CMTR1: variants seen among roughly 807,000 people sequenced by gnomAD.
The protein encoded by CMTR1 is cap-specific mRNA (nucleoside-2'-O-)-methyltransferase 1.
Under a neutral mutation model 107.0 loss-of-function variants are expected in CMTR1, and 39 were observed. The observed-to-expected ratio is 0.36, with a 90% CI of 0.28 to 0.48. The LOEUF is 0.48. Ranked by LOEUF, CMTR1 falls within the 20% of genes least tolerant of loss-of-function variation. CMTR1 has a pLI of 0.99. For synonymous variants in CMTR1, 366 were observed against 379.5 expected (o/e 0.96, Z 0.41); for missense variants, 672 against 1,064.9 (o/e 0.63, Z 5.14).
rs775938802 is a variant in CMTR1, at chr6:37,478,398, G to A, written c.2154-11G>A. The A allele has an allele frequency of 1.9e-6, 3 of 1,609,476 alleles. No homozygotes were observed. Among genetic ancestry groups the A allele is most frequent in the Non-Finnish European group, 2.6e-6 (3 of 1,175,948 alleles). On this transcript the variant is annotated splice_polypyrimidine_tract_variant and intron_variant, in intron 21 of 23. Transcript: ENST00000373451. The stretch of plus-strand genomic sequence containing the variant: ...TTCTCTCTCATGCACGTACCTTCTC[G>A]GGGAAATCAGGTTGGAGATGAAGAT...
At chr6:37,461,292 C>T in intron 10 of CMTR1, among the ~76,000 whole-genome samples, 1 of 152,178 alleles carries the variant, frequency 6.6e-6, no homozygotes. Context: ...CTTGGAAAAG[C>T]AGGCTTGGTT....
Position 37,480,439 on chromosome 6 carries a change from C to G in CMTR1, c.*294C>G. 1 of 1,228,360 alleles carries G rather than the reference C, an allele frequency of 8.1e-7. No individual in the cohort carries two copies. The highest frequency in any genetic ancestry group is 1.0e-6 in the Non-Finnish European group (1 of 982,544). The allele number at this position is 1,228,360 out of a possible 1,614,324, so 76.1% of individuals were successfully genotyped here. A position where few individuals can be genotyped will look rare whatever the true frequency, so the allele number is the denominator to read the frequency against. On this transcript the variant is annotated 3_prime_UTR_variant, in exon 24 of 24. Transcript: ENST00000373451. ...AGGTCAGTGCCTAGGGCACGTGGGA[C>G]TGATGGAGGACATATCAGAGTGGCA...
Position 37,458,657 on chromosome 6 carries a change from GATGTCT to G in CMTR1, c.824_829del (p.Asp275_Cys277delinsGly). On this transcript the variant is annotated inframe_deletion, in exon 9 of 24. Transcript: ENST00000373451. This position sits in a 1 kb window ranked among gnomAD's most constrained non-coding sequence, Gnocchi z 4.7. Reference sequence around the variant, plus strand: ...GGAAGCTGAGCTTCTGTACTTTGCTGATGTCTGCGCAGGCCCAGGTGGCTTCTCAGA... The same window carrying G: ...GGAAGCTGAGCTTCTGTACTTTGCTGGCGCAGGCCCAGGTGGCTTCTCAGA... The G allele has an allele frequency of 6.2e-7, 1 of 1,614,026 alleles. No individual in the cohort carries two copies. The highest frequency in any genetic ancestry group is 8.5e-7 in the Non-Finnish European group (1 of 1,180,026).
intron 4 of CMTR1, among the ~76,000 whole-genome samples, chr6:37,449,095 C>G (rs1165577016): frequency 1.3e-5 from 2 of 152,072 alleles, no homozygotes; most frequent in African/African-American, 4.8e-5. Flanking sequence ...CCTGTGCCAC[C>G]ATGCCTGGCT....
At chr6:37,441,478 G>C (rs552093810) in intron 2 of CMTR1, among the ~76,000 whole-genome samples, 2 of 150,806 alleles carry the variant, frequency 1.3e-5, no homozygotes, top group African/African-American at 4.9e-5. Context: ...GCAATGGCTC[G>C]ATCTCGGCTC....
intron 11 of CMTR1, 126 bp from the exon 12 acceptor site, chr6:37,461,844 G>T: frequency 9.1e-7 from 1 of 1,103,172 alleles, no homozygotes; most frequent in Non-Finnish European, 1.3e-6. Context: ...CCCTTAAATT[G>T]TCTCTGAGTT....
In CMTR1 at chr6:37,479,184, G is replaced by A. The variant is rs1329948452; in HGVS notation, c.2304G>A (p.Lys768=). The A allele has an allele frequency of 1.2e-6, 2 of 1,614,168 alleles. No individual in the cohort carries two copies. The highest frequency in any genetic ancestry group is 2.7e-5 in the African/African-American group (2 of 75,052). ...WTMGFSKSFK[K]KFFYNKKTKD... is the part of the protein sequence containing the mutation. ...TGGGATTCAGCAAAAGCTTCAAGAAGAAGTTCTTCTACAACAAGAAAACCA... is the reference window on the plus strand; with the variant it reads ...TGGGATTCAGCAAAAGCTTCAAGAAAAAGTTCTTCTACAACAAGAAAACCA... Residue 768 remains lysine (K), a synonymous_variant, in exon 23 of 24, where the codon AAG becomes AAA. Coordinates refer to ENST00000373451, the MANE Select transcript of CMTR1 (RefSeq NM_015050.3).
At chr6:37,457,126 A>G (rs1212764590) in intron 8 of CMTR1, among the ~76,000 whole-genome samples, 1 of 151,856 alleles carries the variant, frequency 6.6e-6, no homozygotes, top group Non-Finnish European at 1.5e-5. Flanking sequence ...AGGTTGAAGA[A>G]AGAGGATTGC....
Position 37,458,668 on chromosome 6 carries a change from A to G in CMTR1, c.834A>G (p.Ala278=), listed in dbSNP as rs771664404. 4.6e-5 allele frequency: 74 copies of G among 1,613,972 alleles called. No individual in the cohort carries two copies. Among genetic ancestry groups the G allele is most frequent in the Non-Finnish European group, 5.9e-5 (70 of 1,180,040 alleles). ...AELLYFADVC[A]GPGGFSEYVL... is the part of the protein sequence containing the mutation. ...TTCTGTACTTTGCTGATGTCTGCGC[A>G]GGCCCAGGTGGCTTCTCAGAGTATG... The change falls in exon 9 of 24, where the codon GCA becomes GCG. Residue 278 remains alanine, a synonymous_variant. Coordinates refer to ENST00000373451, the MANE Select transcript of CMTR1 (RefSeq NM_015050.3). The surrounding 1 kb of genome is among the most constrained non-coding windows in gnomAD (Gnocchi z 4.7).
chr6:37,444,416 T>G (rs1363580674), intron 3 of CMTR1, among the ~76,000 whole-genome samples: 1 of 152,188 alleles, frequency 6.6e-6, no homozygotes, highest in Non-Finnish European at 1.5e-5. Context: ...GAATTCTTAT[T>G]ACTAACATGT....
intron 13 of CMTR1, among the ~76,000 whole-genome samples, chr6:37,463,428 G>A (rs913835994): frequency 3.3e-5 from 5 of 152,208 alleles, no homozygotes; most frequent in African/African-American, 1.2e-4. Context: ...CTTTGGAAGT[G>A]CCCAAACTTT....
At chr6:37,432,319 A>G (rs1287829236), upstream of CMTR1, among the ~76,000 whole-genome samples, 1 of 152,220 alleles carries the variant, frequency 6.6e-6, no homozygotes, top group African/African-American at 2.4e-5. Flanking sequence ...GGTTTAATTA[A>G]TCAATTTTAA....
chr6:37,431,081 C>T (rs150583742), upstream of CMTR1, among the ~76,000 whole-genome samples: 11 of 150,602 alleles, frequency 7.3e-5, no homozygotes, highest in South Asian at 1.7e-3. Flanking sequence ...TTTTTTCCAG[C>T]ACTATTCATT....
chr6:37,452,799 G>A (rs1761208734), intron 6 of CMTR1, among the ~76,000 whole-genome samples: 1 of 152,216 alleles, frequency 6.6e-6, no homozygotes, highest in African/African-American at 2.4e-5. Flanking sequence ...GTGTAGCAGC[G>A]GGTGCCGTTT....
At position 37,472,479 on chromosome 6, in the gene CMTR1, C is replaced by T. The variant is rs1388165568; in HGVS notation, c.1681C>T (p.Leu561=). The change falls in exon 16 of 24, where the codon CTA becomes TTA. Residue 561 remains leucine (L), a synonymous_variant. Coordinates refer to ENST00000373451, the MANE Select transcript of CMTR1 (RefSeq NM_015050.3). This position sits in a 1 kb window ranked among gnomAD's most constrained non-coding sequence, Gnocchi z 4.1. ...CGACCCTAAATCGAAGTTCTTTGAGCTAATCCAGGTAAGACTGGTATCTGT... is the reference window on the plus strand; with the variant it reads ...CGACCCTAAATCGAAGTTCTTTGAGTTAATCCAGGTAAGACTGGTATCTGT... ...SSDPKSKFFE[L]IQGTEIDIFS... is the part of the protein sequence containing the mutation. 2.5e-6 allele frequency: 4 copies of T among 1,614,090 alleles called. No individual in the cohort carries two copies. In the South Asian group the frequency reaches 3.3e-5, roughly 13 times the overall value.
chr6:37,452,983 T>C (rs558072143), intron 6 of CMTR1, 64 bp from the exon 7 acceptor site: 1 of 1,456,292 alleles, frequency 6.9e-7, no homozygotes, highest in African/African-American at 1.4e-5. Context: ...AGTTGGGCAC[T>C]GCAGGGTCTT....
Position 37,481,125 on chromosome 6 carries a change from T to A in CMTR1, c.*980T>A. 2 of 1,304,006 alleles carry A rather than the reference T, an allele frequency of 1.5e-6. No individual in the cohort carries two copies. Among genetic ancestry groups the A allele is most frequent in the Non-Finnish European group, 2.0e-6 (2 of 988,920 alleles). The allele number at this position is 1,304,006 out of a possible 1,614,324, so 80.8% of individuals were successfully genotyped here. ...TTCCTTTTTCTTCCCTAATAGGAGG[T>A]ACAATCTGCTTTTGTTTGTCGTTAA... is the stretch of plus-strand genomic sequence containing the variant. On this transcript the variant is annotated 3_prime_UTR_variant, in exon 24 of 24. Coordinates refer to ENST00000373451, the MANE Select transcript of CMTR1 (RefSeq NM_015050.3).
chr6:37,473,162 A>T (rs1205708204), intron 16 of CMTR1, among the ~76,000 whole-genome samples: 2 of 152,156 alleles, frequency 1.3e-5, no homozygotes, highest in Non-Finnish European at 2.9e-5. Flanking sequence ...TTTGAGTTTT[A>T]TTGAAGGGGC....
chr6:37,473,392 C>T (rs1761667878), intron 16 of CMTR1, 78 bp from the exon 17 acceptor site: 2 of 1,517,384 alleles, frequency 1.3e-6, no homozygotes, highest in Middle Eastern at 1.8e-4. Context: ...CCTTGTCGAG[C>T]CTGCCCCCAG....
Sources: allele counts gnomAD v4.1 joint callset (sites outside exome capture counted in the v4.1 genomes callset), GRCh38; gene constraint gnomAD v4.1.1; non-coding constraint Gnocchi (gnomAD v3.1); transcripts MANE v1.5; gene names NCBI Gene and HGNC (gene_info 2026-07-23, HGNC 2026-07-21).